PPP3R1: variants seen among roughly 807,000 people sequenced by gnomAD.
PPP3R1 encodes the protein calcineurin subunit B type 1.
Under a neutral mutation model 22.6 loss-of-function variants are expected in PPP3R1, and 5 were observed. That is an observed-to-expected ratio of 0.22 (90% CI 0.12 to 0.46). The LOEUF is 0.46. PPP3R1 is among the 20% of genes least tolerant of loss of function. The probability of loss-of-function intolerance (pLI) is 0.99; values close to 1 mark genes in which losing one functional copy is unlikely to be tolerated. For missense variants in PPP3R1, 61 were observed against 203.2 expected (o/e 0.30, Z 4.25); for synonymous variants, 56 against 65.2 (o/e 0.86, Z 0.68).
At chr2:68,184,650 A>G (rs1427744048) in intron 5 of PPP3R1, among the ~76,000 whole-genome samples, 6 of 152,226 alleles carry the variant, frequency 3.9e-5, no homozygotes, top group Non-Finnish European at 8.8e-5. Flanking sequence ...TTATAGCTTG[A>G]GAAGTCAACA....
chr2:68,248,099 C>T (rs1670270689), intron 1 of PPP3R1, among the ~76,000 whole-genome samples: 1 of 152,188 alleles, frequency 6.6e-6, no homozygotes, highest in Admixed American at 6.5e-5. Flanking sequence ...CCCCCTTCCT[C>T]TCCAGCCACG....
chr2:68,251,190 A>G (rs1422812384), intron 1 of PPP3R1: 2 of 152,280 alleles, frequency 1.3e-5, no homozygotes, highest in Non-Finnish European at 2.9e-5. Context: ...TAACAGGCTA[A>G]AAGGGCGTCG....
chr2:68,241,686 A>G (rs919361783), intron 1 of PPP3R1, among the ~76,000 whole-genome samples: 1 of 152,172 alleles, frequency 6.6e-6, no homozygotes, highest in African/African-American at 2.4e-5. Flanking sequence ...TCTACTAAAA[A>G]TACAAAAATT....
chr2:68,236,967 C>T (rs1395090503), intron 1 of PPP3R1, among the ~76,000 whole-genome samples: 1 of 152,190 alleles, frequency 6.6e-6, no homozygotes. Context: ...CCTCTGCTGA[C>T]ATGCAGAGGA....
intron 2 of PPP3R1, among the ~76,000 whole-genome samples, chr2:68,198,318 T>C (rs867557197): frequency 4.8e-5 from 7 of 144,526 alleles, no homozygotes; most frequent in Non-Finnish European, 7.5e-5. Context: ...TACATATATG[T>C]ATATACATAT....
At chr2:68,217,046 A>AGT in intron 2 of PPP3R1, 46 bp downstream of exon 2, 1 of 1,402,666 alleles carries the variant, frequency 7.1e-7, no homozygotes, top group Non-Finnish European at 9.9e-7. Context: ...ACACAGAGAG[A>AGT]GATGAGTGAA....
chr2:68,208,167 A>C (rs2103756976), intron 2 of PPP3R1, among the ~76,000 whole-genome samples: 1 of 152,232 alleles, frequency 6.6e-6, no homozygotes, highest in East Asian at 1.9e-4. Flanking sequence ...AAAACGCCCG[A>C]CTCACTGACT....
At chr2:68,198,116 A>G (rs1462748477) in intron 2 of PPP3R1, among the ~76,000 whole-genome samples, 1 of 138,620 alleles carries the variant, frequency 7.2e-6, no homozygotes, top group Non-Finnish European at 1.5e-5. Flanking sequence ...ATATATATGT[A>G]AATATATATG....
At chr2:68,211,317 G>A (rs919078563) in intron 2 of PPP3R1, among the ~76,000 whole-genome samples, 1 of 150,570 alleles carries the variant, frequency 6.6e-6, no homozygotes, top group Non-Finnish European at 1.5e-5. Flanking sequence ...TGAGGCAGGA[G>A]AATGGCGTGA....
intron 1 of PPP3R1, among the ~76,000 whole-genome samples, chr2:68,224,770 T>A (rs1669752835): frequency 6.6e-6 from 1 of 151,970 alleles, no homozygotes; most frequent in Admixed American, 6.6e-5. Flanking sequence ...CACACACAAT[T>A]TTCAAGAAAG....
At chr2:68,215,024 G>C (rs750309702) in intron 2 of PPP3R1, among the ~76,000 whole-genome samples, 1 of 151,946 alleles carries the variant, frequency 6.6e-6, no homozygotes, top group Non-Finnish European at 1.5e-5. Flanking sequence ...CTAAGCAAAC[G>C]CATGAACAGA....
intron 2 of PPP3R1, among the ~76,000 whole-genome samples, chr2:68,201,463 T>C (rs1449287717): frequency 6.6e-6 from 1 of 152,168 alleles, no homozygotes. Flanking sequence ...CACCACATAA[T>C]TCATATAACG....
intron 2 of PPP3R1, among the ~76,000 whole-genome samples, chr2:68,208,744 G>C (rs1008259968): frequency 2.1e-4 from 32 of 152,000 alleles, no homozygotes; most frequent in African/African-American, 7.7e-4. Context: ...AGACCAGCCT[G>C]ATCAACATGT....
At chr2:68,234,338 G>A (rs1219350285) in intron 1 of PPP3R1, among the ~76,000 whole-genome samples, 7 of 150,222 alleles carry the variant, frequency 4.7e-5, no homozygotes, top group Admixed American at 6.6e-5. Context: ...GTGAGACTCC[G>A]TCCAAAAAAA....
At chr2:68,243,486 G>A (rs1371367204) in intron 1 of PPP3R1, among the ~76,000 whole-genome samples, 1 of 152,028 alleles carries the variant, frequency 6.6e-6, no homozygotes, top group Admixed American at 6.6e-5. Flanking sequence ...AAACAATCAA[G>A]CTTGAGTTAA....
At chr2:68,224,498 T>C (rs541328495) in intron 1 of PPP3R1, among the ~76,000 whole-genome samples, 182 of 151,956 alleles carry the variant, frequency 1.2e-3, no homozygotes, top group Middle Eastern at 3.4e-3. Context: ...CTGTCTCTAC[T>C]GAAAATACAA....
chr2:68,181,109 G>T, intron 5 of PPP3R1, 99 bp from the exon 6 acceptor site: 3 of 1,186,492 alleles, frequency 2.5e-6, no homozygotes, highest in Non-Finnish European at 3.7e-6. Context: ...TTACTAGGGG[G>T]CTGGGCGTGG....
intron 1 of PPP3R1, chr2:68,251,219 C>G (rs1296802526): frequency 6.6e-6 from 1 of 152,148 alleles, no homozygotes; most frequent in Non-Finnish European, 1.5e-5. Context: ...TTGGCTGCAG[C>G]GACAGAGGCG....
chr2:68,183,322 A>G (rs1364217490), intron 5 of PPP3R1, among the ~76,000 whole-genome samples: 1 of 152,194 alleles, frequency 6.6e-6, no homozygotes, highest in African/African-American at 2.4e-5. Context: ...GGTTGTTTAT[A>G]TGAAGCCCTT....
Sources: allele counts gnomAD v4.1 joint callset (sites outside exome capture counted in the v4.1 genomes callset), GRCh38; gene constraint gnomAD v4.1.1; transcripts MANE v1.5; gene names NCBI Gene and HGNC (gene_info 2026-07-23, HGNC 2026-07-21).